Variants in ADCY1 observed in about 807,000 individuals in gnomAD.
The protein encoded by ADCY1 is adenylate cyclase 1.
In ADCY1, 28 loss-of-function variants were observed where a neutral mutation model predicts 105.4. That is an observed-to-expected ratio of 0.27 (90% CI 0.20 to 0.36). ADCY1 has a LOEUF of 0.36. ADCY1 is among the 10% of genes least tolerant of loss of function. The probability of loss-of-function intolerance (pLI) is 1.00; values close to 1 mark genes in which losing one functional copy is unlikely to be tolerated. For missense variants in ADCY1, 977 were observed against 1,434.2 expected (o/e 0.68, Z 5.15); for synonymous variants, 655 against 623.8 (o/e 1.05, Z -0.75).
chr7:45,688,063 G>C (rs147924502), intron 14 of ADCY1, among the ~76,000 whole-genome samples: 1 of 152,178 alleles, frequency 6.6e-6, no homozygotes, highest in Non-Finnish European at 1.5e-5. Context: ...TTTTGTCTTT[G>C]TTCCTGAGGC....
rs375377370 is a variant in ADCY1 at position 45,698,239 on chromosome 7, T to A, written c.2455-5137T>A. ...GCAGTGTGGAACATGTACATGTGCATGCCTGCATCCACACATTGTAACTGC... is the reference window on the plus strand; with the variant it reads ...GCAGTGTGGAACATGTACATGTGCAAGCCTGCATCCACACATTGTAACTGC... On this transcript the variant is annotated intron_variant, in intron 14 of 19. Transcript: ENST00000297323. 1.4e-3 allele frequency among the ~76,000 whole-genome samples: 220 copies of A among 152,292 alleles called. 1 individual carries two copies. Among genetic ancestry groups the A allele is most frequent in the African/African-American group, 5.1e-3 (210 of 41,560 alleles).
At chr7:45,692,497 A>C (rs1295417014) in intron 14 of ADCY1, among the ~76,000 whole-genome samples, 1 of 152,202 alleles carries the variant, frequency 6.6e-6, no homozygotes, top group East Asian at 1.9e-4. Flanking sequence ...ATATCATTTA[A>C]ATGTAATACC....
intron 19 of ADCY1, among the ~76,000 whole-genome samples, chr7:45,711,644 T>TATATATACAC (rs1189707139): frequency 0.032 from 1,621 of 50,064 alleles, 43 homozygotes; most frequent in Non-Finnish European, 0.051. Flanking sequence ...TATATATATA[T>TATATATACAC]ACACACACAC....
intron 8 of ADCY1, among the ~76,000 whole-genome samples, chr7:45,671,423 T>C (rs1193246498): frequency 6.6e-6 from 1 of 152,242 alleles, no homozygotes; most frequent in African/African-American, 2.4e-5. Context: ...CGCACATCCA[T>C]GTTAACTCAT....
intron 8 of ADCY1, among the ~76,000 whole-genome samples, chr7:45,676,970 G>C (rs1784467973): frequency 6.7e-6 from 1 of 149,966 alleles, no homozygotes; most frequent in Non-Finnish European, 1.5e-5. Context: ...CTTTAAAAAA[G>C]TTGATCTGTA....
At chr7:45,661,960 C>T in intron 7 of ADCY1, 99 bp from the exon 8 acceptor site, 2 of 1,412,484 alleles carry the variant, frequency 1.4e-6, no homozygotes, top group South Asian at 2.7e-5. Flanking sequence ...ATCCCAGTGC[C>T]CTGGGGTGGC....
At chr7:45,692,471 A>G (rs1286647955) in intron 14 of ADCY1, among the ~76,000 whole-genome samples, 2 of 152,206 alleles carry the variant, frequency 1.3e-5, no homozygotes, top group East Asian at 3.8e-4. Flanking sequence ...ACCCTGACCC[A>G]GGTAGGTTGG....
At chr7:45,689,764 A>T (rs1325496326) in intron 14 of ADCY1, among the ~76,000 whole-genome samples, 1 of 152,206 alleles carries the variant, frequency 6.6e-6, no homozygotes, top group African/African-American at 2.4e-5. Flanking sequence ...AGAAGGCCTG[A>T]CTGCGGCCAC....
In ADCY1 at chr7:45,722,116, C is replaced by T. The variant is rs1042912415; in HGVS notation, c.*8121C>T. On this transcript the variant is annotated 3_prime_UTR_variant, in exon 20 of 20. Coordinates refer to ENST00000297323, the MANE Select transcript of ADCY1 (RefSeq NM_021116.4). Reference sequence around the variant, plus strand: ...CACCCAACTCTGGGCCCCAGGCACACGAAGCACAAGTCTCAGGGGACCATT... The same window carrying T: ...CACCCAACTCTGGGCCCCAGGCACATGAAGCACAAGTCTCAGGGGACCATT... The T allele has an allele frequency of 5.0e-5, 16 of 320,184 alleles. No individual in the cohort carries two copies. The highest frequency in any genetic ancestry group is 1.6e-4 in the South Asian group (1 of 6,298). The allele number at this position is 320,184 out of a possible 1,614,324, so 19.8% of individuals were successfully genotyped here.
rs534447095 is a variant in ADCY1 at position 45,588,738 on chromosome 7, C to T, written c.640-4021C>T. Reference sequence around the variant, plus strand: ...GACTCCCTGGGAAGCCCTTCTCTTCCCGGCTGTCTGGCTGAGTTAATCTGG... The same window carrying T: ...GACTCCCTGGGAAGCCCTTCTCTTCTCGGCTGTCTGGCTGAGTTAATCTGG... On this transcript the variant is annotated intron_variant, in intron 1 of 19. Coordinates refer to ENST00000297323, the MANE Select transcript of ADCY1 (RefSeq NM_021116.4). Among the ~76,000 whole-genome samples, 5 of 152,252 alleles carry T rather than the reference C, an allele frequency of 3.3e-5. No individual in the cohort carries two copies. The East Asian group carries it at 9.7e-4, about 30-fold the overall frequency.
In ADCY1 at chr7:45,719,561, A is replaced by G. The variant is rs1785428011; in HGVS notation, c.*5566A>G. The G allele has an allele frequency of 6.6e-6, 1 of 152,232 alleles. No individual in the cohort carries two copies. The highest frequency in any genetic ancestry group is 1.5e-5 in the Non-Finnish European group (1 of 68,044). The allele number at this position is 152,232 out of a possible 1,614,324, so 9.4% of individuals were successfully genotyped here. ...ATTTAATCTATTCTGTTCCATATGA[A>G]GTCTGTTTCACTACCTTAAAAAATA... On this transcript the variant is annotated 3_prime_UTR_variant, in exon 20 of 20. Coordinates refer to ENST00000297323, the MANE Select transcript of ADCY1 (RefSeq NM_021116.4).
chr7:45,667,941 G>A lies in ADCY1; in HGVS notation c.1605+5727G>A, dbSNP rs1784292625. On this transcript the variant is annotated intron_variant, in intron 8 of 19. Transcript: ENST00000297323. ...ATTTAGCTCTGTTTGTCTGTTATTG[G>A]TGTATAAGAATGCTTGTGATTTTTG... is the stretch of plus-strand genomic sequence containing the variant. Among the ~76,000 whole-genome samples, 3 of 152,244 alleles carry A rather than the reference G, an allele frequency of 2.0e-5. No individual in the cohort carries two copies. The South Asian group carries it at 6.2e-4, about 32-fold the overall frequency.
Position 45,686,331 on chromosome 7 carries a change from C to A in ADCY1, c.2327+116C>A. The A allele has an allele frequency of 6.8e-7, 1 of 1,468,758 alleles. No individual in the cohort carries two copies. The highest frequency in any genetic ancestry group is 9.1e-7 in the Non-Finnish European group (1 of 1,095,248). The allele number at this position is 1,468,758 out of a possible 1,614,324, so 91.0% of individuals were successfully genotyped here. On this transcript the variant is annotated intron_variant, in intron 13 of 19. Coordinates refer to ENST00000297323, the MANE Select transcript of ADCY1 (RefSeq NM_021116.4). This position sits in a 1 kb window ranked among gnomAD's most constrained non-coding sequence, Gnocchi z 4.3. ...AACTAGTCAAGTTGAATTGTATACA[C>A]AATTTTTAGTTTGGTGGCTGCTTCT... is the stretch of plus-strand genomic sequence containing the variant.
chr7:45,635,601 G>GTTTTTTTT (rs71030884), intron 4 of ADCY1, among the ~76,000 whole-genome samples: 13 of 57,204 alleles, frequency 2.3e-4, no homozygotes, highest in African/African-American at 4.9e-4. Flanking sequence ...AATTTCTCTT[G>GTTTTTTTT]TTTTTTTTTT....
chr7:45,719,865 G>C lies in ADCY1; in HGVS notation c.*5870G>C, dbSNP rs1472402074. The C allele has an allele frequency of 6.6e-6, 1 of 152,198 alleles. No individual in the cohort carries two copies. Among genetic ancestry groups the C allele is most frequent in the Non-Finnish European group, 1.5e-5 (1 of 68,050 alleles). The allele number at this position is 152,198 out of a possible 1,614,324, so 9.4% of individuals were successfully genotyped here. ...TATTAGAGGAGAAGGTCTGGGCAGG[G>C]GCAGCAGCATCTCAGACATCAAGTC... On this transcript the variant is annotated 3_prime_UTR_variant, in exon 20 of 20. Coordinates refer to ENST00000297323, the MANE Select transcript of ADCY1 (RefSeq NM_021116.4).
At chr7:45,577,864 G>A (rs923477331) in intron 1 of ADCY1, among the ~76,000 whole-genome samples, 2 of 152,200 alleles carry the variant, frequency 1.3e-5, no homozygotes, top group Non-Finnish European at 2.9e-5. Context: ...CTTTCTCTGA[G>A]ACCCAAATGC....
At chr7:45,623,403 G>T (rs1304572778) in intron 4 of ADCY1, among the ~76,000 whole-genome samples, 2 of 152,184 alleles carry the variant, frequency 1.3e-5, no homozygotes, top group Non-Finnish European at 2.9e-5. Context: ...ACAGAGGTTT[G>T]CCCTCCTGGG....
At chr7:45,621,072 AT>A (rs1432464053) in intron 3 of ADCY1, among the ~76,000 whole-genome samples, 1 of 151,826 alleles carries the variant, frequency 6.6e-6, no homozygotes, top group Non-Finnish European at 1.5e-5. Flanking sequence ...GTTTGTTCAA[AT>A]CCTTTTTTTT....
chr7:45,630,282 G>A (rs532438583), intron 4 of ADCY1, among the ~76,000 whole-genome samples: 37 of 152,220 alleles, frequency 2.4e-4, no homozygotes, highest in African/African-American at 8.4e-4. Context: ...CAGTTTATCA[G>A]TTTTTTTAAT....
Sources: gnomAD v4.1 joint callset for allele counts (sites outside exome capture counted in the v4.1 genomes callset) on GRCh38, gnomAD v4.1.1 for gene constraint, Gnocchi (gnomAD v3.1) non-coding constraint, MANE v1.5 for transcripts, NCBI Gene and HGNC (gene_info 2026-07-23, HGNC 2026-07-21) for gene names.